RBFOX1: variants seen among roughly 807,000 people sequenced by gnomAD.
RBFOX1 encodes the protein RNA binding protein fox-1 homolog 1.
RBFOX1 carries 8 observed loss-of-function variants against 57.7 expected under a neutral mutation model. The observed-to-expected ratio is 0.14, with a 90% CI of 0.08 to 0.25. The LOEUF (loss-of-function observed/expected upper bound fraction) is 0.25, where lower values mean the gene tolerates loss of function less well. Among genes scored for constraint, RBFOX1 ranks in the 10% least tolerant of loss-of-function variants. The pLI, the probability that RBFOX1 is intolerant of heterozygous loss-of-function variation, is 1.00. For missense variants in RBFOX1, 611 were observed against 548.5 expected (o/e 1.11, Z -1.14); for synonymous variants, 326 against 222.4 (o/e 1.47, Z -4.15).
At chr16:7,167,188 G>C (rs982013097) in intron 4 of RBFOX1, among the ~76,000 whole-genome samples, 2 of 151,370 alleles carry the variant, frequency 1.3e-5, no homozygotes, top group African/African-American at 4.9e-5. Flanking sequence ...ATTTCTCCGT[G>C]TTGGCCAGGC....
intron 2 of RBFOX1, among the ~76,000 whole-genome samples, chr16:6,378,845 C>T (rs926195799): frequency 6.6e-6 from 1 of 152,020 alleles, no homozygotes; most frequent in Non-Finnish European, 1.5e-5. Flanking sequence ...ATTACTCTTC[C>T]TAGAGTGTGC....
At chr16:7,296,650 G>A (rs1037368087) in intron 4 of RBFOX1, among the ~76,000 whole-genome samples, 1 of 152,158 alleles carries the variant, frequency 6.6e-6, no homozygotes, top group Non-Finnish European at 1.5e-5. Flanking sequence ...TGCATGATGG[G>A]CATATGGCTG....
At chr16:7,023,711 T>A (rs1375136720) in intron 3 of RBFOX1, among the ~76,000 whole-genome samples, 1 of 152,006 alleles carries the variant, frequency 6.6e-6, no homozygotes, top group Non-Finnish European at 1.5e-5. Flanking sequence ...GGGTGTTACT[T>A]ACTCTACAGT....
intron 4 of RBFOX1, among the ~76,000 whole-genome samples, chr16:7,440,199 A>G (rs551205128): frequency 2.0e-5 from 3 of 151,956 alleles, no homozygotes; most frequent in Non-Finnish European, 4.4e-5. Context: ...TCTGGCCCCA[A>G]ATGTTTTATG....
chr16:7,486,853 T>G (rs1315562860), intron 4 of RBFOX1, among the ~76,000 whole-genome samples: 2 of 152,182 alleles, frequency 1.3e-5, no homozygotes, highest in African/African-American at 4.8e-5. Context: ...TTGTTCAGCC[T>G]CCTTGCCACT....
At chr16:7,089,564 GT>G (rs1375049318) in intron 4 of RBFOX1, among the ~76,000 whole-genome samples, 4 of 152,020 alleles carry the variant, frequency 2.6e-5, no homozygotes, top group African/African-American at 4.8e-5. Context: ...TGGTGAGTTG[GT>G]TGCTAGTCAC....
chr16:6,236,389 C>T (rs549656467), intron 1 of RBFOX1, among the ~76,000 whole-genome samples: 1 of 152,070 alleles, frequency 6.6e-6, no homozygotes, highest in East Asian at 1.9e-4. Context: ...TAGCAGAGTA[C>T]CTGAAATACA....
At chr16:7,089,581 T>A (rs1428708212) in intron 4 of RBFOX1, among the ~76,000 whole-genome samples, 3 of 152,194 alleles carry the variant, frequency 2.0e-5, no homozygotes, top group Non-Finnish European at 4.4e-5. Context: ...GTCACACTCT[T>A]TCTCTGAGTT....
At chr16:5,976,674 G>A (rs182132351) in intron 4 of RBFOX1, among the ~76,000 whole-genome samples, 1 of 152,278 alleles carries the variant, frequency 6.6e-6, no homozygotes, top group African/African-American at 2.4e-5. Flanking sequence ...TTCGAGACCA[G>A]CCTGGCCAAT....
At chr16:6,863,858 G>C (rs527743668) in intron 3 of RBFOX1, among the ~76,000 whole-genome samples, 1 of 149,796 alleles carries the variant, frequency 6.7e-6, no homozygotes, top group South Asian at 2.1e-4. Flanking sequence ...CAAATACCAA[G>C]TTCTTTACTG....
chr16:6,677,741 G>A (rs531747729), intron 3 of RBFOX1, among the ~76,000 whole-genome samples: 1 of 152,142 alleles, frequency 6.6e-6, no homozygotes, highest in Non-Finnish European at 1.5e-5. Flanking sequence ...TTTAAAGATA[G>A]TGAGCGATTT....
At chr16:5,758,048 G>A (rs2053461930) in intron 3 of RBFOX1, among the ~76,000 whole-genome samples, 1 of 152,180 alleles carries the variant, frequency 6.6e-6, no homozygotes, top group South Asian at 2.1e-4. Context: ...ACCTGGGGTT[G>A]GAAGCCTGAC....
At chr16:6,012,274 A>G (rs1037937699) in intron 4 of RBFOX1, among the ~76,000 whole-genome samples, 2 of 152,174 alleles carry the variant, frequency 1.3e-5, no homozygotes, top group African/African-American at 4.8e-5. Context: ...ATCTGAATGG[A>G]GGTATAGACC....
At chr16:5,863,062 C>T (rs894710761) in intron 3 of RBFOX1, among the ~76,000 whole-genome samples, 3 of 152,130 alleles carry the variant, frequency 2.0e-5, no homozygotes, top group Non-Finnish European at 4.4e-5. Flanking sequence ...TGGAGTTCGA[C>T]CTGAGTTCAG....
intron 4 of RBFOX1, among the ~76,000 whole-genome samples, chr16:7,364,167 C>T (rs1160340807): frequency 6.6e-6 from 1 of 152,172 alleles, no homozygotes; most frequent in African/African-American, 2.4e-5. Flanking sequence ...TACAACAGCT[C>T]AGCTTACGTC....
intron 4 of RBFOX1, among the ~76,000 whole-genome samples, chr16:7,232,969 C>G (rs1026521046): frequency 1.3e-5 from 2 of 151,982 alleles, no homozygotes; most frequent in African/African-American, 4.8e-5. Context: ...GTTCTTCTTT[C>G]CCTCTCCACA....
intron 4 of RBFOX1, among the ~76,000 whole-genome samples, chr16:7,493,509 T>A (rs1027100977): frequency 5.2e-4 from 79 of 152,316 alleles, no homozygotes; most frequent in Middle Eastern, 3.4e-3. Flanking sequence ...TTGGAGAGAT[T>A]ATTCTATAGT....
chr16:6,053,579 T>A (rs528029918), intron 1 of RBFOX1, among the ~76,000 whole-genome samples: 13 of 152,340 alleles, frequency 8.5e-5, no homozygotes, highest in African/African-American at 2.9e-4. Context: ...AGTCACAGTT[T>A]TATCTAATGG....
chr16:6,942,200 C>G (rs1353850506), intron 3 of RBFOX1, among the ~76,000 whole-genome samples: 1 of 152,190 alleles, frequency 6.6e-6, no homozygotes, highest in East Asian at 1.9e-4. Flanking sequence ...GATGGCACCA[C>G]TGTGCTCCAA....
Sources: allele counts gnomAD v4.1 joint callset (sites outside exome capture counted in the v4.1 genomes callset), GRCh38; gene constraint gnomAD v4.1.1; transcripts MANE v1.5; gene names NCBI Gene and HGNC (gene_info 2026-07-23, HGNC 2026-07-21).